CTNND2: variants seen among roughly 807,000 people sequenced by gnomAD.
CTNND2 encodes catenin delta 2, also known as catenin delta-2.
A neutral mutation model predicts 144.4 loss-of-function variants in CTNND2; 22 were observed. The observed-to-expected ratio is 0.15, with a 90% CI of 0.11 to 0.22. The LOEUF (loss-of-function observed/expected upper bound fraction) is 0.22, where lower values mean the gene tolerates loss of function less well. Ranked by LOEUF, CTNND2 falls within the 10% of genes least tolerant of loss-of-function variation. The pLI, the probability that CTNND2 is intolerant of heterozygous loss-of-function variation, is 1.00. For synonymous variants in CTNND2, 751 were observed against 695.6 expected, an observed-to-expected ratio of 1.08 and a Z score of -1.25; for missense variants, 1,353 against 1,618.8, an observed-to-expected ratio of 0.84 and a Z score of 2.82.
Position 11,564,932 on chromosome 5 carries a change from C to T in CTNND2, c.287+12G>A, listed in dbSNP as rs369761161. The T allele has an allele frequency of 1.1e-3, 1,722 of 1,586,042 alleles. No individual in the cohort carries two copies. The highest frequency in any genetic ancestry group is 1.4e-3 in the Non-Finnish European group (1,624 of 1,154,786). On this transcript the variant is annotated intron_variant, in intron 3 of 21. Coordinates refer to ENST00000304623, the MANE Select transcript of CTNND2 (RefSeq NM_001332.4). ...CTCAAAGCACAGACAATGAACAGAG[C>T]GGCGCTAGTACCTCATGCTGCTCAT...
chr5:11,408,881 C>T (rs1180640075), intron 5 of CTNND2, among the ~76,000 whole-genome samples: 3 of 151,788 alleles, frequency 2.0e-5, no homozygotes, highest in African/African-American at 7.2e-5. Flanking sequence ...ATCTATTTAT[C>T]CCCTCTATTT....
chr5:11,193,713 T>A (rs1736578441), intron 11 of CTNND2, among the ~76,000 whole-genome samples: 1 of 152,052 alleles, frequency 6.6e-6, no homozygotes, highest in African/African-American at 2.4e-5. Context: ...TAGCTCCTGC[T>A]CTGGGGAGAG....
At chr5:11,194,392 C>A (rs891131644) in intron 11 of CTNND2, among the ~76,000 whole-genome samples, 8 of 152,082 alleles carry the variant, frequency 5.3e-5, no homozygotes, top group Admixed American at 5.2e-4. Context: ...TCCAGGCCAA[C>A]AAACAAAATA....
At chr5:11,180,892 T>C (rs1240019362) in intron 11 of CTNND2, among the ~76,000 whole-genome samples, 1 of 152,228 alleles carries the variant, frequency 6.6e-6, no homozygotes, top group Non-Finnish European at 1.5e-5. Flanking sequence ...TCTGTCCTCT[T>C]CAGAGTTCAG....
At chr5:11,609,501 T>C (rs1038484894) in intron 2 of CTNND2, among the ~76,000 whole-genome samples, 2 of 152,184 alleles carry the variant, frequency 1.3e-5, no homozygotes, top group African/African-American at 4.8e-5. Flanking sequence ...CAGAGAATTA[T>C]TAATCACTCA....
chr5:11,603,066 T>G (rs1375074418), intron 2 of CTNND2, among the ~76,000 whole-genome samples: 3 of 152,116 alleles, frequency 2.0e-5, no homozygotes, highest in Admixed American at 2.0e-4. Context: ...TCTAACCTAT[T>G]AGAAAGAGGC....
At chr5:11,623,037 G>A (rs1210294887) in intron 2 of CTNND2, among the ~76,000 whole-genome samples, 1 of 152,072 alleles carries the variant, frequency 6.6e-6, no homozygotes. Context: ...TGTTCCCACT[G>A]AATGAGAATG....
intron 3 of CTNND2, among the ~76,000 whole-genome samples, chr5:11,534,651 G>A (rs1774051809): frequency 6.6e-6 from 1 of 152,056 alleles, no homozygotes; most frequent in African/African-American, 2.4e-5. Context: ...GTGATTCTAT[G>A]CGCTGAGACC....
At chr5:11,317,313 C>T (rs2150062831) in intron 9 of CTNND2, among the ~76,000 whole-genome samples, 1 of 152,300 alleles carries the variant, frequency 6.6e-6, no homozygotes, top group South Asian at 2.1e-4. Context: ...ACACCATATA[C>T]TATGTCCTCT....
chr5:11,773,842 C>T (rs12659824), intron 1 of CTNND2, among the ~76,000 whole-genome samples: 124,172 of 148,820 alleles, frequency 0.83, 55,096 homozygotes, highest in Non-Finnish European at 0.98. Context: ...ATACAACAAA[C>T]ATGCAAATTT....
intron 9 of CTNND2, among the ~76,000 whole-genome samples, chr5:11,265,479 C>T (rs1185048433): frequency 1.3e-5 from 2 of 152,172 alleles, no homozygotes; most frequent in African/African-American, 2.4e-5. Flanking sequence ...CTGCAAAGCT[C>T]CTCTCCACAC....
chr5:11,012,862 T>C (rs1741232808), intron 18 of CTNND2, among the ~76,000 whole-genome samples: 3 of 152,172 alleles, frequency 2.0e-5, no homozygotes, highest in African/African-American at 4.8e-5. Context: ...AGGAATACGT[T>C]CATTTTGGGG....
At chr5:11,668,356 G>A (rs971850212) in intron 2 of CTNND2, among the ~76,000 whole-genome samples, 1 of 152,236 alleles carries the variant, frequency 6.6e-6, no homozygotes, top group African/African-American at 2.4e-5. Context: ...ACTTTGGGCA[G>A]TATGCCCATT....
chr5:11,756,992 T>G (rs1202865421), intron 1 of CTNND2, among the ~76,000 whole-genome samples: 2 of 151,706 alleles, frequency 1.3e-5, no homozygotes, highest in Admixed American at 1.3e-4. Context: ...CTTAACACCC[T>G]GAAAAATTAC....
intron 6 of CTNND2, among the ~76,000 whole-genome samples, chr5:11,386,794 A>C (rs1375475581): frequency 6.6e-6 from 1 of 152,216 alleles, no homozygotes; most frequent in Non-Finnish European, 1.5e-5. Context: ...CAGAGACTCC[A>C]GGAATATTTG....
intron 2 of CTNND2, among the ~76,000 whole-genome samples, chr5:11,662,014 TACACACACACATATATACAC>T (rs1209288637): frequency 1.3e-5 from 2 of 150,336 alleles, no homozygotes; most frequent in Non-Finnish European, 3.0e-5. Context: ...CACACATATA[TACACACACACATATATACAC>T]ACACACACAC....
At chr5:11,492,776 A>G (rs1199403653) in intron 3 of CTNND2, among the ~76,000 whole-genome samples, 1 of 151,992 alleles carries the variant, frequency 6.6e-6, no homozygotes, top group African/African-American at 2.4e-5. Flanking sequence ...TCTTCATATA[A>G]ATATTAAGAA....
intron 8 of CTNND2, among the ~76,000 whole-genome samples, chr5:11,358,845 T>C (rs1344734093): frequency 6.6e-6 from 1 of 152,240 alleles, no homozygotes; most frequent in Non-Finnish European, 1.5e-5. Context: ...TTAGCAAGTT[T>C]GCTCCTTGCA....
intron 3 of CTNND2, among the ~76,000 whole-genome samples, chr5:11,416,275 A>G (rs1761930340): frequency 6.6e-6 from 1 of 151,550 alleles, no homozygotes; most frequent in Non-Finnish European, 1.5e-5. Context: ...ATGACACAAC[A>G]GAAAAAAGAA....
Sources: allele counts gnomAD v4.1 joint callset (sites outside exome capture counted in the v4.1 genomes callset), GRCh38; gene constraint gnomAD v4.1.1; transcripts MANE v1.5; gene names NCBI Gene and HGNC (gene_info 2026-07-23, HGNC 2026-07-21).